Variants in INSYN2B observed in about 807,000 individuals in gnomAD.
INSYN2B encodes the protein inhibitory synaptic factor family member 2B, also known as protein INSYN2B.
In INSYN2B, 16 loss-of-function variants were observed where a neutral mutation model predicts 41.2. The observed-to-expected ratio is 0.39, with a 90% CI of 0.26 to 0.59. The LOEUF is 0.59. INSYN2B is among the 20% of genes least tolerant of loss of function. INSYN2B has a pLI of 0.57. For synonymous variants in INSYN2B, 245 were observed against 244.4 expected (o/e 1.00, Z -0.02); for missense variants, 608 against 646.4 (o/e 0.94, Z 0.64).
intron 1 of INSYN2B, among the ~76,000 whole-genome samples, chr5:169,897,114 T>C (rs1269841296): frequency 6.6e-6 from 1 of 152,240 alleles, no homozygotes; most frequent in East Asian, 1.9e-4. Flanking sequence ...ATCTAAAATT[T>C]TAGGCTTTCT....
chr5:169,936,654 A>G (rs976328453), intron 1 of INSYN2B, among the ~76,000 whole-genome samples: 4 of 143,822 alleles, frequency 2.8e-5, no homozygotes, highest in Non-Finnish European at 4.5e-5. Flanking sequence ...CTACTGATCC[A>G]TTACAGAATC....
At chr5:169,946,135 G>A (rs1776438718) in intron 1 of INSYN2B, among the ~76,000 whole-genome samples, 1 of 152,234 alleles carries the variant, frequency 6.6e-6, no homozygotes. Context: ...TATGAGGAAG[G>A]AGTGATCTAA....
rs1772856752 is a variant in INSYN2B, at chr5:169,884,516, A to G, written c.-618T>C. On this transcript the variant is annotated 5_prime_UTR_variant, in exon 2 of 4. It removes the in-frame stop codon of an upstream open reading frame in the 5' UTR. Coordinates refer to ENST00000377365, the MANE Select transcript of INSYN2B (RefSeq NM_001129891.3). Reference sequence around the variant, plus strand: ...CCAAGGGAACATTCCCATTTATGTCAATCACAAATTCCTCCTTTGGGGCCA... The same window carrying G: ...CCAAGGGAACATTCCCATTTATGTCGATCACAAATTCCTCCTTTGGGGCCA... 1 of 152,214 alleles carries G rather than the reference A, an allele frequency of 6.6e-6. No individual in the cohort carries two copies. The highest frequency in any genetic ancestry group is 1.5e-5 in the Non-Finnish European group (1 of 68,052). The allele number at this position is 152,214 out of a possible 1,614,324, so 9.4% of individuals were successfully genotyped here.
chr5:169,969,872 T>C (rs1302637886), intron 1 of INSYN2B, among the ~76,000 whole-genome samples: 1 of 152,276 alleles, frequency 6.6e-6, no homozygotes, highest in Non-Finnish European at 1.5e-5. Context: ...CTGGGATTGC[T>C]GGATCTTCCA....
chr5:169,933,411 G>A (rs949080829), intron 1 of INSYN2B, among the ~76,000 whole-genome samples: 5 of 152,230 alleles, frequency 3.3e-5, no homozygotes, highest in Non-Finnish European at 7.3e-5. Context: ...CTAATGTGAA[G>A]GCAAAGATTG....
intron 1 of INSYN2B, among the ~76,000 whole-genome samples, chr5:169,978,922 G>A (rs1263555607): frequency 6.6e-6 from 1 of 152,164 alleles, no homozygotes; most frequent in Non-Finnish European, 1.5e-5. Flanking sequence ...GGAGCGAGGT[G>A]ACACTGTCTG....
intron 3 of INSYN2B, chr5:169,875,453 A>G: frequency 2.7e-6 from 1 of 367,622 alleles, no homozygotes; most frequent in Middle Eastern, 8.9e-4. Context: ...TTCCACTGAG[A>G]CCTAATATCC....
intron 3 of INSYN2B, among the ~76,000 whole-genome samples, chr5:169,866,487 A>G (rs971698592): frequency 1.3e-5 from 2 of 152,254 alleles, no homozygotes; most frequent in Admixed American, 6.5e-5. Context: ...AACACGCAGC[A>G]TAGAGTAGGC....
intron 1 of INSYN2B, among the ~76,000 whole-genome samples, chr5:169,937,540 T>C (rs901941713): frequency 1.3e-5 from 2 of 152,242 alleles, no homozygotes; most frequent in Non-Finnish European, 2.9e-5. Context: ...GCAATGATAA[T>C]AGGAACATAT....
chr5:169,909,460 A>C (rs557456079), intron 1 of INSYN2B, among the ~76,000 whole-genome samples: 290 of 152,336 alleles, frequency 1.9e-3, no homozygotes, highest in African/African-American at 6.5e-3. Flanking sequence ...TTGAAGAAGA[A>C]AGTCTAAATA....
intron 1 of INSYN2B, among the ~76,000 whole-genome samples, chr5:169,945,461 G>A (rs988416388): frequency 2.6e-5 from 4 of 152,256 alleles, no homozygotes; most frequent in African/African-American, 9.6e-5. Context: ...TAATTGAGCT[G>A]TTACTTCGTG....
intron 1 of INSYN2B, among the ~76,000 whole-genome samples, chr5:169,977,693 T>C (rs1466161422): frequency 6.6e-6 from 1 of 152,184 alleles, no homozygotes; most frequent in East Asian, 1.9e-4. Context: ...GCCTTATCCA[T>C]CCTGCTCATT....
intron 3 of INSYN2B, among the ~76,000 whole-genome samples, chr5:169,874,287 C>T (rs1772173577): frequency 6.6e-6 from 1 of 151,702 alleles, no homozygotes; most frequent in Admixed American, 6.6e-5. Flanking sequence ...GTGGCGGGCA[C>T]CTATAATCCC....
At chr5:169,939,045 A>G (rs1198233905) in intron 1 of INSYN2B, among the ~76,000 whole-genome samples, 2 of 151,774 alleles carry the variant, frequency 1.3e-5, no homozygotes, top group Non-Finnish European at 2.9e-5. Context: ...CTGGGACTAC[A>G]GGCATGCACC....
At chr5:169,931,939 G>A (rs575619820) in intron 1 of INSYN2B, among the ~76,000 whole-genome samples, 26 of 152,274 alleles carry the variant, frequency 1.7e-4, no homozygotes, top group African/African-American at 6.0e-4. Flanking sequence ...ACTCATTCAT[G>A]TATTCAACAA....
chr5:169,887,262 T>A (rs1315456290), intron 1 of INSYN2B, among the ~76,000 whole-genome samples: 1 of 152,240 alleles, frequency 6.6e-6, no homozygotes, highest in African/African-American at 2.4e-5. Flanking sequence ...AGTTTATGTA[T>A]CCTTTAGATG....
At chr5:169,926,937 C>T (rs1030654543) in intron 1 of INSYN2B, among the ~76,000 whole-genome samples, 2 of 152,174 alleles carry the variant, frequency 1.3e-5, no homozygotes, top group African/African-American at 4.8e-5. Flanking sequence ...TAGGGAAGAA[C>T]TAAAGCTTGG....
At chr5:169,978,390 TGTGGG>T (rs1777800112) in intron 1 of INSYN2B, among the ~76,000 whole-genome samples, 1 of 16,590 alleles carries the variant, frequency 6.0e-5, no homozygotes, top group African/African-American at 1.9e-4. Context: ...TGTGTGTGTG[TGTGGG>T]GGGGGGGGGG....
Position 169,883,482 on chromosome 5 carries a change from A to G in INSYN2B, c.417T>C (p.Ser139=). Residue 139 remains serine, a synonymous_variant, in exon 2 of 4, where the codon TCT becomes TCC. Transcript: ENST00000377365. ...QSAIQVNGNL[S]EQDIVSSDLA... Reference sequence around the variant, plus strand: ...GGTCAGAAGACACAATGTCCTGTTCAGAGAGGTTACCGTTGACCTGGATGG... The same window carrying G: ...GGTCAGAAGACACAATGTCCTGTTCGGAGAGGTTACCGTTGACCTGGATGG... 2 of 1,551,650 alleles carry G rather than the reference A, an allele frequency of 1.3e-6. No individual in the cohort carries two copies. The highest frequency in any genetic ancestry group is 1.2e-5 in the South Asian group (1 of 84,062).
Sources: allele counts gnomAD v4.1 joint callset (sites outside exome capture counted in the v4.1 genomes callset), GRCh38; gene constraint gnomAD v4.1.1; transcripts MANE v1.5; gene names NCBI Gene and HGNC (gene_info 2026-07-23, HGNC 2026-07-21).